The following NR6A1 variants were observed in gnomAD, a reference collection of about 807,000 sequenced individuals.
NR6A1 encodes the protein retinoic acid receptor-related testis-associated receptor.
NR6A1 carries 7 observed loss-of-function variants against 59.1 expected under a neutral mutation model. The ratio of observed to expected loss-of-function variants is 0.12; its 90% CI spans 0.07 to 0.22. The LOEUF (loss-of-function observed/expected upper bound fraction) is 0.22. NR6A1 is among the 10% of genes least tolerant of loss of function. The probability of loss-of-function intolerance (pLI) is 1.00; values close to 1 mark genes in which losing one functional copy is unlikely to be tolerated. For missense variants in NR6A1, 468 were observed against 611.6 expected (o/e 0.77, Z 2.48); for synonymous variants, 243 against 236.1 (o/e 1.03, Z -0.27).
At chr9:124,706,320 A>T (rs1222525307) in intron 2 of NR6A1, among the ~76,000 whole-genome samples, 1 of 152,188 alleles carries the variant, frequency 6.6e-6, no homozygotes, top group African/African-American at 2.4e-5. Context: ...AAAAACATAC[A>T]GACATATTTA....
intron 2 of NR6A1, among the ~76,000 whole-genome samples, chr9:124,582,801 T>C (rs947640927): frequency 2.0e-5 from 3 of 152,082 alleles, no homozygotes; most frequent in Non-Finnish European, 2.9e-5. Flanking sequence ...GGCAAAAGGA[T>C]TGTTTGAGCA....
chr9:124,744,362 C>T (rs1283473234), intron 1 of NR6A1, among the ~76,000 whole-genome samples: 1 of 152,204 alleles, frequency 6.6e-6, no homozygotes, highest in Non-Finnish European at 1.5e-5. Context: ...CAGGCATCAG[C>T]TTGACACTTT....
At chr9:124,567,864 A>G (rs1834315250) in intron 2 of NR6A1, among the ~76,000 whole-genome samples, 1 of 143,708 alleles carries the variant, frequency 7.0e-6, no homozygotes, top group Non-Finnish European at 1.5e-5. Flanking sequence ...TAACTAGTAC[A>G]GAGTCATACG....
chr9:124,568,397 TGCTTGAACCCAGGAG>T (rs1834338318), intron 2 of NR6A1, among the ~76,000 whole-genome samples: 1 of 150,930 alleles, frequency 6.6e-6, no homozygotes, highest in Non-Finnish European at 1.5e-5. Flanking sequence ...GAGGCAGAAT[TGCTTGAACCCAGGAG>T]GCGGAGGTTG....
In NR6A1 at chr9:124,597,030, C is replaced by T. The variant is rs996090742; in HGVS notation, c.143-42460G>A. On this transcript the variant is annotated intron_variant, in intron 2 of 9. Coordinates refer to ENST00000487099, the MANE Select transcript of NR6A1 (RefSeq NM_033334.4). The stretch of plus-strand genomic sequence containing the variant: ...AGCTGTATTCCAGAAAAAGGAGACC[C>T]TTCTTGGAGTAGGACTGGAATCTGT... 2.1e-4 allele frequency among the ~76,000 whole-genome samples: 32 copies of T among 152,262 alleles called. No individual in the cohort carries two copies. The South Asian group carries it at 3.5e-3, about 17-fold the overall frequency.
chr9:124,741,525 T>C (rs1840173100), intron 1 of NR6A1, among the ~76,000 whole-genome samples: 1 of 152,222 alleles, frequency 6.6e-6, no homozygotes, highest in African/African-American at 2.4e-5. Flanking sequence ...CAAAAATAAC[T>C]GTAGAGCCTG....
At chr9:124,666,447 T>C (rs1321475333) in intron 2 of NR6A1, among the ~76,000 whole-genome samples, 1 of 151,890 alleles carries the variant, frequency 6.6e-6, no homozygotes, top group Non-Finnish European at 1.5e-5. Flanking sequence ...CCCACCTAAT[T>C]TGTGTATTTT....
In NR6A1 at chr9:124,522,381, C is replaced by T. The variant is rs187766139; in HGVS notation, c.*324G>A. 24 of 183,108 alleles carry T rather than the reference C, an allele frequency of 1.3e-4. No individual in the cohort carries two copies. The East Asian group carries it at 3.3e-3, about 25-fold the overall frequency. 11.3% of individuals were successfully genotyped at this position (183,108 alleles called of 1,614,324 possible). On this transcript the variant is annotated 3_prime_UTR_variant, in exon 10 of 10. Transcript: ENST00000487099. ...CCATCCCACCCTCTCCCTCAAAATA[C>T]AAAAGAACTATTTCTAAACAATGAC...
chr9:124,697,709 G>A (rs945838957), intron 2 of NR6A1, among the ~76,000 whole-genome samples: 1 of 151,884 alleles, frequency 6.6e-6, no homozygotes, highest in Non-Finnish European at 1.5e-5. Context: ...TAATAGTTTT[G>A]GAAAGAACAA....
Position 124,524,818 on chromosome 9 carries a change from C to CCAGTATCGTTTATT in NR6A1, c.1243_1256dup (p.Trp419Ter). 6.2e-7 allele frequency: 1 copy of CCAGTATCGTTTATT among 1,613,842 alleles called. No individual in the cohort carries two copies. Among genetic ancestry groups the CCAGTATCGTTTATT allele is most frequent in the Non-Finnish European group, 8.5e-7 (1 of 1,179,932 alleles). ...ATTCAGTAAAATCCTGGCAAATGTA[C>CCAGTATCGTTTATT]CAGTATCGTTTATTCAATTGTTCCA... On this transcript the variant is annotated stop_gained and frameshift_variant, in exon 9 of 10. Coordinates refer to ENST00000487099, the MANE Select transcript of NR6A1 (RefSeq NM_033334.4). LOFTEE classifies it high-confidence loss of function.
intron 2 of NR6A1, among the ~76,000 whole-genome samples, chr9:124,567,037 G>A (rs1296852963): frequency 1.3e-5 from 2 of 151,398 alleles, no homozygotes; most frequent in Non-Finnish European, 1.5e-5. Context: ...GAACCCGGGA[G>A]GCGGAGCTTG....
intron 2 of NR6A1, among the ~76,000 whole-genome samples, chr9:124,602,211 T>G (rs1479874142): frequency 2.0e-5 from 3 of 152,176 alleles, no homozygotes; most frequent in African/African-American, 7.2e-5. Flanking sequence ...AAGAACAGAT[T>G]ATAACATGAA....
At chr9:124,604,785 G>T (rs994722433) in intron 2 of NR6A1, among the ~76,000 whole-genome samples, 9 of 151,866 alleles carry the variant, frequency 5.9e-5, no homozygotes, top group African/African-American at 2.2e-4. Flanking sequence ...CTGCATTCCA[G>T]CCTGAGTGAC....
chr9:124,755,321 G>A (rs1840604632), intron 1 of NR6A1, among the ~76,000 whole-genome samples: 1 of 152,156 alleles, frequency 6.6e-6, no homozygotes, highest in African/African-American at 2.4e-5. Flanking sequence ...AATCCCTGCT[G>A]TGTATTAACA....
At chr9:124,611,774 A>AGAGAGAGAGAGAGAGAGAGAGAGT (rs148472095) in intron 2 of NR6A1, among the ~76,000 whole-genome samples, 7 of 105,666 alleles carry the variant, frequency 6.6e-5, no homozygotes, top group Admixed American at 2.1e-4. Flanking sequence ...AGAGAGAGAG[A>AGAGAGAGAGAGAGAGAGAGAGAGT]GAGAGAGAAT....
At chr9:124,655,567 G>T (rs1837235120) in intron 2 of NR6A1, among the ~76,000 whole-genome samples, 1 of 152,116 alleles carries the variant, frequency 6.6e-6, no homozygotes, top group Non-Finnish European at 1.5e-5. Context: ...AAGAGAAACT[G>T]GCCATCGTCC....
chr9:124,626,292 CA>C (rs1836239211), intron 2 of NR6A1, among the ~76,000 whole-genome samples: 1 of 152,160 alleles, frequency 6.6e-6, no homozygotes, highest in South Asian at 2.1e-4. Flanking sequence ...AGGCTTGAGC[CA>C]CCACACCCAG....
intron 2 of NR6A1, chr9:124,599,415 GTC>G: frequency 2.7e-6 from 1 of 370,792 alleles, no homozygotes; most frequent in Admixed American, 3.9e-5. Context: ...GCGATACATG[GTC>G]TCAAAAAAAA....
At chr9:124,573,730 TAAGTA>T (rs1834513576) in intron 2 of NR6A1, among the ~76,000 whole-genome samples, 1 of 152,210 alleles carries the variant, frequency 6.6e-6, no homozygotes, top group Non-Finnish European at 1.5e-5. Context: ...GGAGAATGAT[TAAGTA>T]AACTAACATA....
Sources: allele counts gnomAD v4.1 joint callset (sites outside exome capture counted in the v4.1 genomes callset), GRCh38; gene constraint gnomAD v4.1.1; transcripts MANE v1.5; gene names NCBI Gene and HGNC (gene_info 2026-07-23, HGNC 2026-07-21).